ZNF461: variants seen among roughly 807,000 people sequenced by gnomAD.
ZNF461 encodes gonadotropin-inducible ovarian transcription factor-1.
A neutral mutation model predicts 18.3 loss-of-function variants in ZNF461; 16 were observed. The observed-to-expected ratio is 0.88, with a 90% CI of 0.59 to 1.33. The LOEUF (loss-of-function observed/expected upper bound fraction) is 1.33, where lower values mean the gene tolerates loss of function less well. ZNF461 is among the 40% of genes most tolerant of loss of function. The pLI, the probability that ZNF461 is intolerant of heterozygous loss-of-function variation, is 0.00. For missense variants in ZNF461, 595 were observed against 669.9 expected, an observed-to-expected ratio of 0.89 and a Z score of 1.23; for synonymous variants, 179 against 216.9, an observed-to-expected ratio of 0.83 and a Z score of 1.54.
chr19:36,663,247 T>A (rs1296733991), intron 2 of ZNF461, among the ~76,000 whole-genome samples: 1 of 152,128 alleles, frequency 6.6e-6, no homozygotes, highest in Non-Finnish European at 1.5e-5. Flanking sequence ...ACTCCTGTCC[T>A]AAAGCAATTC....
intron 4 of ZNF461, among the ~76,000 whole-genome samples, chr19:36,647,084 G>A (rs748837548): frequency 6.6e-6 from 1 of 152,110 alleles, no homozygotes; most frequent in African/African-American, 2.4e-5. Flanking sequence ...CATTCTGGTT[G>A]CTTCCAATAG....
Position 36,664,696 on chromosome 19 carries a change from A to G in ZNF461, c.9+2T>C. 1 of 1,514,440 alleles carries G rather than the reference A, an allele frequency of 6.6e-7. No homozygotes were observed. Among genetic ancestry groups the G allele is most frequent in the Non-Finnish European group, 8.8e-7 (1 of 1,138,850 alleles). 93.8% of individuals were successfully genotyped at this position (1,514,440 alleles called of 1,614,324 possible). On this transcript the variant is annotated splice_donor_variant, in intron 2 of 5. Transcript: ENST00000588268. LOFTEE classifies it high-confidence loss of function. ...ATTAGGAGCAAGAAAAAACCAACTT[A>G]CATGGGCCATGTCTTATTTTAGAAT...
At chr19:36,663,932 T>G (rs2037859867) in intron 2 of ZNF461, among the ~76,000 whole-genome samples, 1 of 152,176 alleles carries the variant, frequency 6.6e-6, no homozygotes, top group Admixed American at 6.5e-5. Context: ...TCACTACCAG[T>G]TAAGCTTCAG....
At chr19:36,653,962 G>C (rs540019866) in intron 4 of ZNF461, among the ~76,000 whole-genome samples, 1 of 152,288 alleles carries the variant, frequency 6.6e-6, no homozygotes, top group Non-Finnish European at 1.5e-5. Context: ...ACAGAAATGA[G>C]TGCATGTATA....
In ZNF461 at chr19:36,663,427, G is replaced by A. The variant is rs539419818; in HGVS notation, c.9+1271C>T. On this transcript the variant is annotated intron_variant, in intron 2 of 5. Coordinates refer to ENST00000588268, the MANE Select transcript of ZNF461 (RefSeq NM_153257.5). The stretch of plus-strand genomic sequence containing the variant: ...TGGGTTTTTCTTTGTAATTCAATCT[G>A]AAAGGTCTTTTAATAGATGAGTTAA... Among the ~76,000 whole-genome samples, 30 of 151,750 alleles carry A rather than the reference G, an allele frequency of 2.0e-4. 1 individual carries two copies. Among genetic ancestry groups the A allele is most frequent in the Non-Finnish European group, 3.7e-4 (25 of 67,992 alleles).
chr19:36,655,092 G>A (rs1427491322), intron 4 of ZNF461, among the ~76,000 whole-genome samples: 1 of 152,122 alleles, frequency 6.6e-6, no homozygotes, highest in African/African-American at 2.4e-5. Context: ...GGGCTCAAGT[G>A]ATCTCCCACC....
At chr19:36,654,134 T>C (rs1198791809) in intron 4 of ZNF461, among the ~76,000 whole-genome samples, 1 of 152,174 alleles carries the variant, frequency 6.6e-6, no homozygotes, top group Admixed American at 6.5e-5. Flanking sequence ...AATCCATAAT[T>C]ATTTCAAAAT....
At chr19:36,646,126 GTTGTTGTTA>G (rs2037522817) in intron 4 of ZNF461, among the ~76,000 whole-genome samples, 3 of 150,688 alleles carry the variant, frequency 2.0e-5, no homozygotes, top group African/African-American at 7.3e-5. Flanking sequence ...TGTTATTGTT[GTTGTTGTTA>G]TTGTTGTTGA....
In ZNF461 at chr19:36,639,811, A is replaced by G. The variant is rs773733747; in HGVS notation, c.534T>C (p.His178=). Residue 178 remains histidine (H), a synonymous_variant, in exon 6 of 6, where the codon CAT becomes CAC. Transcript: ENST00000588268. The part of the protein sequence containing the change: ...NHENMPIFSQ[H]TLLTQEFYDR... ...CATAAAATTCTTGAGTGAGTAAAGTATGTTGGCTAAAAATGGGCATGTTTT... is the reference window on the plus strand; with the variant it reads ...CATAAAATTCTTGAGTGAGTAAAGTGTGTTGGCTAAAAATGGGCATGTTTT... 14 of 1,613,904 alleles carry G rather than the reference A, an allele frequency of 8.7e-6. No individual in the cohort carries two copies. The highest frequency in any genetic ancestry group is 2.2e-5 in the South Asian group (2 of 91,082).
chr19:36,660,986 G>C (rs559030457), intron 2 of ZNF461, among the ~76,000 whole-genome samples: 1 of 152,250 alleles, frequency 6.6e-6, no homozygotes, highest in East Asian at 1.9e-4. Context: ...ATGGGAAGGG[G>C]AAATAGAAGT....
intron 5 of ZNF461, among the ~76,000 whole-genome samples, chr19:36,642,809 C>T (rs1215379185): frequency 6.6e-6 from 1 of 150,692 alleles, no homozygotes; most frequent in Admixed American, 6.6e-5. Flanking sequence ...GGCTGGAGTG[C>T]AATGGTGCGA....
At chr19:36,647,929 C>T (rs938070646) in intron 4 of ZNF461, among the ~76,000 whole-genome samples, 1 of 152,082 alleles carries the variant, frequency 6.6e-6, no homozygotes, top group Admixed American at 6.6e-5. Context: ...TGCCTGTAAT[C>T]CCAGCACTCT....
chr19:36,661,531 C>T (rs1289976654), intron 2 of ZNF461, among the ~76,000 whole-genome samples: 3 of 151,742 alleles, frequency 2.0e-5, no homozygotes, highest in African/African-American at 7.3e-5. Flanking sequence ...TAAAACCTAA[C>T]TATATTGCTA....
chr19:36,664,084 A>G (rs1481110516), intron 2 of ZNF461, among the ~76,000 whole-genome samples: 1 of 152,184 alleles, frequency 6.6e-6, no homozygotes, highest in East Asian at 1.9e-4. Context: ...GAGAAACACT[A>G]ATATTTTCTT....
chr19:36,651,725 G>T (rs993416065), intron 4 of ZNF461, among the ~76,000 whole-genome samples: 1 of 152,182 alleles, frequency 6.6e-6, no homozygotes, highest in Non-Finnish European at 1.5e-5. Flanking sequence ...TCATGCTTTG[G>T]AAGACTGAAT....
chr19:36,637,788 T>C lies in ZNF461; in HGVS notation c.*865A>G. On this transcript the variant is annotated 3_prime_UTR_variant, in exon 6 of 6. Coordinates refer to ENST00000588268, the MANE Select transcript of ZNF461 (RefSeq NM_153257.5). ...TTTTGTCCAAAGAATTTATGAAATT[T>C]ACATGAAATATTCCCGTTAGAATAA... 1 of 414,730 alleles carries C rather than the reference T, an allele frequency of 2.4e-6. No individual in the cohort carries two copies. The highest frequency in any genetic ancestry group is 3.1e-5 in the Admixed American group (1 of 32,200). The allele number at this position is 414,730 out of a possible 1,614,324, so 25.7% of individuals were successfully genotyped here.
chr19:36,642,088 CTG>C (rs1477676173), intron 5 of ZNF461, among the ~76,000 whole-genome samples: 1 of 152,068 alleles, frequency 6.6e-6, no homozygotes, highest in Non-Finnish European at 1.5e-5. Context: ...CCACTATGCC[CTG>C]CTAATTTTTA....
chr19:36,654,199 A>T (rs1236507492), intron 4 of ZNF461, among the ~76,000 whole-genome samples: 1 of 152,198 alleles, frequency 6.6e-6, no homozygotes, highest in Non-Finnish European at 1.5e-5. Context: ...ACCCAGGTAT[A>T]AAAAAACTGG....
At chr19:36,649,232 C>T (rs1176641597) in intron 4 of ZNF461, among the ~76,000 whole-genome samples, 1 of 152,132 alleles carries the variant, frequency 6.6e-6, no homozygotes, top group Non-Finnish European at 1.5e-5. Context: ...AAGGATGAAG[C>T]ACATGTTGGA....
Sources: gnomAD v4.1 joint callset for allele counts (sites outside exome capture counted in the v4.1 genomes callset) on GRCh38, gnomAD v4.1.1 for gene constraint, MANE v1.5 for transcripts, NCBI Gene and HGNC (gene_info 2026-07-23, HGNC 2026-07-21) for gene names.